Variants in SEC24B observed in about 807,000 individuals in gnomAD.
The protein encoded by SEC24B is SEC24 homolog B, COPII component.
SEC24B carries 45 observed loss-of-function variants against 142.8 expected under a neutral mutation model. That is an observed-to-expected ratio of 0.32 (90% CI 0.25 to 0.40). The LOEUF is 0.40. Ranked by LOEUF, SEC24B falls within the 10% of genes least tolerant of loss-of-function variation. SEC24B has a pLI of 1.00. For missense variants in SEC24B, 1,409 were observed against 1,526.8 expected (o/e 0.92, Z 1.29); for synonymous variants, 574 against 568.2 (o/e 1.01, Z -0.15).
chr4:109,496,782 C>T (rs1282361226), intron 6 of SEC24B, among the ~76,000 whole-genome samples: 2 of 152,166 alleles, frequency 1.3e-5, no homozygotes, highest in African/African-American at 2.4e-5. Flanking sequence ...CTCTGCCTCC[C>T]ATTTTGCTAG....
intron 3 of SEC24B, among the ~76,000 whole-genome samples, chr4:109,474,655 C>T (rs1223293858): frequency 6.6e-6 from 1 of 152,066 alleles, no homozygotes; most frequent in African/African-American, 2.4e-5. Context: ...GAACTTTTGA[C>T]CTCAGGTGAT....
chr4:109,440,634 C>T (rs1728851710), intron 1 of SEC24B, among the ~76,000 whole-genome samples: 1 of 152,158 alleles, frequency 6.6e-6, no homozygotes, highest in African/African-American at 2.4e-5. Context: ...TATAGAACTA[C>T]ATTTAATAAG....
At chr4:109,534,391 C>T (rs1725272011) in intron 22 of SEC24B, among the ~76,000 whole-genome samples, 1 of 151,854 alleles carries the variant, frequency 6.6e-6, no homozygotes, top group South Asian at 2.1e-4. Context: ...TTGAGACCAT[C>T]CTGGTGAACA....
chr4:109,455,116 G>C (rs1171045579), intron 1 of SEC24B, among the ~76,000 whole-genome samples: 3 of 152,180 alleles, frequency 2.0e-5, no homozygotes, highest in Non-Finnish European at 4.4e-5. Context: ...TTTGCAAGTT[G>C]ATTTTTCAGC....
chr4:109,473,454 C>G (rs942980376), intron 3 of SEC24B, among the ~76,000 whole-genome samples: 1 of 151,864 alleles, frequency 6.6e-6, no homozygotes, highest in East Asian at 1.9e-4. Flanking sequence ...TATTTCATTC[C>G]TCTGTCATGG....
chr4:109,516,277 C>T (rs1341326046), intron 10 of SEC24B, among the ~76,000 whole-genome samples: 1 of 152,142 alleles, frequency 6.6e-6, no homozygotes, highest in Non-Finnish European at 1.5e-5. Context: ...CACTCCTTAT[C>T]AGAAAAACAT....
At chr4:109,515,257 C>T (rs1301105686) in intron 10 of SEC24B, among the ~76,000 whole-genome samples, 2 of 151,916 alleles carry the variant, frequency 1.3e-5, no homozygotes, top group Admixed American at 6.6e-5. Context: ...CCCGCCACCA[C>T]GCCCGGCTAA....
At position 109,538,490 on chromosome 4, in the gene SEC24B, C is replaced by G; in HGVS notation, c.3589-3C>G. On this transcript the variant is annotated splice_polypyrimidine_tract_variant and splice_region_variant and intron_variant, in intron 22 of 23. Coordinates refer to ENST00000265175, the MANE Select transcript of SEC24B (RefSeq NM_006323.5). ...AGTTTCCTAATTGTATTTCTTTTAC[C>G]AGACACATCTTCCAGAGCTAGATAC... 4 of 1,599,792 alleles carry G rather than the reference C, an allele frequency of 2.5e-6. No individual in the cohort carries two copies. Among genetic ancestry groups the G allele is most frequent in the Non-Finnish European group, 3.4e-6 (4 of 1,167,488 alleles).
At chr4:109,507,563 C>T (rs191388487) in intron 7 of SEC24B, among the ~76,000 whole-genome samples, 16 of 151,772 alleles carry the variant, frequency 1.1e-4, no homozygotes, top group African/African-American at 2.7e-4. Context: ...TGTGATCCAC[C>T]GCGCTTGGCC....
chr4:109,523,256 G>A (rs1272276936), intron 14 of SEC24B, among the ~76,000 whole-genome samples: 1 of 152,082 alleles, frequency 6.6e-6, no homozygotes, highest in African/African-American at 2.4e-5. Context: ...GATCACTTGA[G>A]TTCAGGAGTT....
At chr4:109,469,879 G>A (rs1056084001) in intron 2 of SEC24B, among the ~76,000 whole-genome samples, 4 of 152,290 alleles carry the variant, frequency 2.6e-5, no homozygotes, top group Middle Eastern at 3.4e-3. Flanking sequence ...GGGAAAAAAT[G>A]TATATGCTTA....
chr4:109,439,107 C>T (rs1728673081), intron 1 of SEC24B, among the ~76,000 whole-genome samples: 1 of 152,154 alleles, frequency 6.6e-6, no homozygotes, highest in South Asian at 2.1e-4. Flanking sequence ...TTAATCCTTC[C>T]ATATGCCCTT....
At chr4:109,434,098 G>C (rs1398274495) in intron 1 of SEC24B, 96 bp downstream of exon 1, 1 of 849,238 alleles carries the variant, frequency 1.2e-6, no homozygotes, top group Non-Finnish European at 1.4e-6. Flanking sequence ...CGGGAAGGGC[G>C]TTCGGGGCCA....
chr4:109,448,237 T>G (rs1452936933), intron 1 of SEC24B, among the ~76,000 whole-genome samples: 1 of 152,150 alleles, frequency 6.6e-6, no homozygotes, highest in Non-Finnish European at 1.5e-5. Context: ...TTGGTCATGT[T>G]AAATAATTTG....
At chr4:109,466,535 C>G (rs972997804) in intron 2 of SEC24B, among the ~76,000 whole-genome samples, 4 of 152,116 alleles carry the variant, frequency 2.6e-5, no homozygotes, top group African/African-American at 7.2e-5. Context: ...CTCAGCCTGC[C>G]GAGTAGCTGG....
At chr4:109,443,016 T>C (rs1228290168) in intron 1 of SEC24B, among the ~76,000 whole-genome samples, 1 of 152,202 alleles carries the variant, frequency 6.6e-6, no homozygotes, top group African/African-American at 2.4e-5. Flanking sequence ...TTTATATTTA[T>C]GGTAATATCT....
rs7685647 is a variant in SEC24B, at chr4:109,538,428, T to A, written c.3589-65T>A. On this transcript the variant is annotated intron_variant, in intron 22 of 23. Transcript: ENST00000265175. ...TTGGGGGTGATGGTAGGAATCATGA[T>A]TTTGTTCTATTACTGCTGAAGTCTA... is the stretch of plus-strand genomic sequence containing the variant. The A allele has an allele frequency of 0.026, 28,221 of 1,093,132 alleles. 4,456 individuals are homozygous for A. In the African/African-American group the frequency reaches 0.36, roughly 14 times the overall value. The allele number at this position is 1,093,132 out of a possible 1,614,324, so 67.7% of individuals were successfully genotyped here.
At chr4:109,510,700 T>A (rs1425616508) in intron 8 of SEC24B, among the ~76,000 whole-genome samples, 1 of 152,218 alleles carries the variant, frequency 6.6e-6, no homozygotes, top group Non-Finnish European at 1.5e-5. Flanking sequence ...TAGGGATTTT[T>A]AAACTTGTAA....
chr4:109,437,735 C>T (rs1429462130), intron 1 of SEC24B, among the ~76,000 whole-genome samples: 1 of 152,242 alleles, frequency 6.6e-6, no homozygotes, highest in African/African-American at 2.4e-5. Context: ...AGCGATTCTC[C>T]TGCCTCAGCC....
Sources: gnomAD v4.1 joint callset for allele counts (sites outside exome capture counted in the v4.1 genomes callset) on GRCh38, gnomAD v4.1.1 for gene constraint, MANE v1.5 for transcripts, NCBI Gene and HGNC (gene_info 2026-07-23, HGNC 2026-07-21) for gene names.